Variants in ADAM12 observed in about 807,000 individuals in gnomAD.
The protein encoded by ADAM12 is disintegrin and metalloproteinase domain-containing protein 12.
ADAM12 carries 70 observed loss-of-function variants against 106.4 expected under a neutral mutation model. That is an observed-to-expected ratio of 0.66 (90% CI 0.54 to 0.80). The LOEUF (loss-of-function observed/expected upper bound fraction) is 0.80, where lower values mean the gene tolerates loss of function less well. ADAM12 is among the 30% of genes least tolerant of loss of function. The pLI is 0.00. For synonymous variants in ADAM12, 420 were observed against 433.5 expected, an observed-to-expected ratio of 0.97 and a Z score of 0.39; for missense variants, 1,010 against 1,171.9, an observed-to-expected ratio of 0.86 and a Z score of 2.02.
chr10:126,220,687 G>C (rs1206980282), intron 3 of ADAM12, among the ~76,000 whole-genome samples: 1 of 152,226 alleles, frequency 6.6e-6, no homozygotes, highest in Non-Finnish European at 1.5e-5. Flanking sequence ...TGATGCTAAT[G>C]ATGGGTTCCA....
intron 17 of ADAM12, among the ~76,000 whole-genome samples, chr10:126,045,120 A>G (rs1231942014): frequency 6.6e-6 from 1 of 152,218 alleles, no homozygotes; most frequent in Non-Finnish European, 1.5e-5. Flanking sequence ...ACCAGCTTGC[A>G]GCTTGCCGGC....
intron 3 of ADAM12, among the ~76,000 whole-genome samples, chr10:126,219,297 C>T (rs1958046336): frequency 6.6e-6 from 1 of 152,220 alleles, no homozygotes; most frequent in African/African-American, 2.4e-5. Context: ...AACAGAGGTC[C>T]TGGTGACCTG....
chr10:126,264,062 C>T (rs1959052793), intron 3 of ADAM12, among the ~76,000 whole-genome samples: 1 of 152,022 alleles, frequency 6.6e-6, no homozygotes, highest in Admixed American at 6.6e-5. Context: ...TTCATTTAAC[C>T]AACCTAACAT....
intron 3 of ADAM12, among the ~76,000 whole-genome samples, chr10:126,256,075 G>T (rs924165999): frequency 5.3e-5 from 8 of 152,164 alleles, no homozygotes; most frequent in Non-Finnish European, 7.3e-5. Context: ...TGTTGCTTCT[G>T]CAGATCACCT....
chr10:126,210,029 G>A (rs1278434722), intron 3 of ADAM12, among the ~76,000 whole-genome samples: 2 of 152,148 alleles, frequency 1.3e-5, no homozygotes, highest in African/African-American at 4.8e-5. Context: ...CGGGTACTAC[G>A]TTAACTCTCA....
intron 3 of ADAM12, among the ~76,000 whole-genome samples, chr10:126,264,534 C>T (rs963404882): frequency 5.9e-5 from 9 of 152,186 alleles, no homozygotes. Context: ...ACAGTGAAAT[C>T]CACCAGCATA....
chr10:126,240,293 C>A (rs374456705), intron 3 of ADAM12, among the ~76,000 whole-genome samples: 1 of 152,210 alleles, frequency 6.6e-6, no homozygotes, highest in Admixed American at 6.5e-5. Context: ...AAGCTCTGGG[C>A]ATTGTGGCAC....
At chr10:126,347,567 C>T (rs2133880898) in intron 1 of ADAM12, among the ~76,000 whole-genome samples, 1 of 152,244 alleles carries the variant, frequency 6.6e-6, no homozygotes, top group East Asian at 1.9e-4. Context: ...GAATGTTGGC[C>T]TGCCTTGTCA....
intron 3 of ADAM12, among the ~76,000 whole-genome samples, chr10:126,222,564 C>T (rs560020741): frequency 1.3e-4 from 20 of 151,536 alleles, no homozygotes; most frequent in African/African-American, 4.4e-4. Context: ...GAACCGAGCA[C>T]GCCAGCTGGT....
intron 6 of ADAM12, among the ~76,000 whole-genome samples, chr10:126,112,114 GAGGCCATCAT>G (rs1428374802): frequency 2.6e-5 from 4 of 152,106 alleles, no homozygotes; most frequent in African/African-American, 9.7e-5. Context: ...GATGAAGCTG[GAGGCCATCAT>G]ACTCAGCAAA....
intron 3 of ADAM12, among the ~76,000 whole-genome samples, chr10:126,202,466 G>A (rs937878196): frequency 3.3e-5 from 5 of 151,996 alleles, no homozygotes; most frequent in East Asian, 1.9e-4. Context: ...CCTGTAATCC[G>A]AGGGTTTGAA....
intron 4 of ADAM12, among the ~76,000 whole-genome samples, chr10:126,144,257 G>A (rs751096290): frequency 9.2e-5 from 14 of 152,170 alleles, no homozygotes; most frequent in East Asian, 5.8e-4. Context: ...GGAAATCTTC[G>A]GGTTGAGTCT....
At chr10:126,039,547 AC>A in intron 18 of ADAM12, 118 bp from the exon 19 acceptor site, 1 of 1,235,510 alleles carries the variant, frequency 8.1e-7, no homozygotes, top group Non-Finnish European at 1.2e-6. Context: ...AAGAGAGTAC[AC>A]CCGTGAGTGA....
At chr10:126,331,104 G>C (rs1854495628) in intron 1 of ADAM12, among the ~76,000 whole-genome samples, 1 of 151,974 alleles carries the variant, frequency 6.6e-6, no homozygotes, top group Non-Finnish European at 1.5e-5. Context: ...TTGTTTCTTG[G>C]GGTCCTGTCT....
intron 3 of ADAM12, among the ~76,000 whole-genome samples, chr10:126,274,463 G>A (rs1959202363): frequency 6.6e-6 from 1 of 152,138 alleles, no homozygotes; most frequent in African/African-American, 2.4e-5. Context: ...TTCTGAACTT[G>A]CAACATTTAT....
intron 22 of ADAM12, 52 bp downstream of exon 22, chr10:126,019,643 G>T: frequency 6.3e-7 from 1 of 1,593,396 alleles, no homozygotes; most frequent in Non-Finnish European, 8.6e-7. Context: ...GTCGTGGTTG[G>T]TCCCACAAGA....
intron 2 of ADAM12, among the ~76,000 whole-genome samples, chr10:126,292,086 C>G (rs1960177152): frequency 6.6e-6 from 1 of 152,118 alleles, no homozygotes; most frequent in Non-Finnish European, 1.5e-5. Context: ...CGCCAAATCT[C>G]CAGCTCTGAC....
chr10:126,061,365 AC>A (rs1350424576), intron 14 of ADAM12, among the ~76,000 whole-genome samples: 2 of 152,158 alleles, frequency 1.3e-5, no homozygotes, highest in Non-Finnish European at 2.9e-5. Flanking sequence ...TCCTTATTTT[AC>A]AGATGAGGCA....
At chr10:126,312,990 G>A (rs575908871) in intron 2 of ADAM12, among the ~76,000 whole-genome samples, 3 of 152,342 alleles carry the variant, frequency 2.0e-5, no homozygotes, top group Non-Finnish European at 2.9e-5. Context: ...TGTTGGTTCA[G>A]ATGAAGAGAC....
Sources: allele counts gnomAD v4.1 joint callset (sites outside exome capture counted in the v4.1 genomes callset), GRCh38; gene constraint gnomAD v4.1.1; transcripts MANE v1.5; gene names NCBI Gene and HGNC (gene_info 2026-07-23, HGNC 2026-07-21).